Variants in PDIA3 observed in about 807,000 individuals in gnomAD.
PDIA3 encodes the protein protein disulfide isomerase family A member 3.
In PDIA3, 16 loss-of-function variants were observed where a neutral mutation model predicts 56.9. The observed-to-expected ratio is 0.28, with a 90% confidence interval of 0.19 to 0.43. PDIA3 has a LOEUF of 0.43. PDIA3 is among the 20% of genes least tolerant of loss of function. PDIA3 has a pLI of 1.00. For missense variants in PDIA3, 485 were observed against 621.3 expected (o/e 0.78, Z 2.33); for synonymous variants, 192 against 216.5 (o/e 0.89, Z 0.99).
intron 1 of PDIA3, among the ~76,000 whole-genome samples, chr15:43,749,085 T>G (rs2086726864): frequency 6.7e-6 from 1 of 149,398 alleles, no homozygotes; most frequent in Admixed American, 6.6e-5. Context: ...TTTTTGTTTT[T>G]GTTTTGTTTT....
chr15:43,749,046 C>A (rs2086726389), intron 1 of PDIA3, among the ~76,000 whole-genome samples: 1 of 152,044 alleles, frequency 6.6e-6, no homozygotes, highest in Non-Finnish European at 1.5e-5. Context: ...GCTGGGATTA[C>A]TGGCATGAGC....
At chr15:43,769,024 CAA>C (rs539611070) in intron 9 of PDIA3, among the ~76,000 whole-genome samples, 5 of 130,884 alleles carry the variant, frequency 3.8e-5, no homozygotes, top group Admixed American at 7.8e-5. Context: ...AACTCCATCT[CAA>C]AAAAAAAAAA....
rs575534183 is a variant in PDIA3, at chr15:43,756,686, A to G, written c.284A>G (p.Tyr95Cys). The change falls in exon 3 of 13, where the codon TAT becomes TGT. Residue 95 changes from tyrosine to cysteine, a missense_variant. Tyr to Cys is a radical substitution (Grantham distance 194). Transcript: ENST00000300289. The stretch of plus-strand genomic sequence containing the variant: ...GCCAACACTAACACCTGTAATAAAT[A>G]TGGAGTCAGTGGATATCCAACCCTG... ...CTANTNTCNK[Y>C]GVSGYPTLKI... The G allele has an allele frequency of 1.2e-6, 2 of 1,608,610 alleles. No individual in the cohort carries two copies. Among genetic ancestry groups the G allele is most frequent in the South Asian group, 1.1e-5 (1 of 90,916 alleles).
Position 43,770,309 on chromosome 15 carries a change from T to A in PDIA3, c.1326T>A (p.Pro442=). The A allele has an allele frequency of 6.2e-7, 1 of 1,614,032 alleles. No individual in the cohort carries two copies. The highest frequency in any genetic ancestry group is 8.5e-7 in the Non-Finnish European group (1 of 1,179,864). ...TGGATGCCACAGCCAATGATGTGCCTTCTCCATATGAAGTCAGAGGGTAAG... is the reference window on the plus strand; with the variant it reads ...TGGATGCCACAGCCAATGATGTGCCATCTCCATATGAAGTCAGAGGGTAAG... ...AKMDATANDV[P]SPYEVRGFPT... is the part of the protein sequence containing the mutation. The change falls in exon 11 of 13, where the codon CCT becomes CCA. Residue 442 remains proline, a synonymous_variant. Transcript: ENST00000300289.
At chr15:43,754,660 C>T (rs551760833) in intron 2 of PDIA3, among the ~76,000 whole-genome samples, 81 of 150,872 alleles carry the variant, frequency 5.4e-4, no homozygotes, top group Non-Finnish European at 1.1e-3. Flanking sequence ...AGTGACTAGA[C>T]ACTGCACACT....
intron 2 of PDIA3, among the ~76,000 whole-genome samples, chr15:43,754,581 G>C (rs1383175206): frequency 6.6e-6 from 1 of 151,314 alleles, no homozygotes; most frequent in African/African-American, 2.4e-5. Context: ...TAAAAAGCTG[G>C]GTGTGTTGGC....
intron 3 of PDIA3, among the ~76,000 whole-genome samples, chr15:43,758,062 A>C (rs921821885): frequency 6.6e-6 from 1 of 151,362 alleles, no homozygotes; most frequent in Non-Finnish European, 1.5e-5. Flanking sequence ...AACATGGGGA[A>C]ACCCTGTCAC....
chr15:43,771,471 T>C lies in PDIA3; in HGVS notation c.*253T>C. On this transcript the variant is annotated 3_prime_UTR_variant, in exon 13 of 13. Coordinates refer to ENST00000300289, the MANE Select transcript of PDIA3 (RefSeq NM_005313.5). Reference sequence around the variant, plus strand: ...TGGGGGAAATGTTGTGGGGGTGGGGTTGAGTTGGGGGTATTTTCTAATTTT... The same window carrying C: ...TGGGGGAAATGTTGTGGGGGTGGGGCTGAGTTGGGGGTATTTTCTAATTTT... 2 of 458,244 alleles carry C rather than the reference T, an allele frequency of 4.4e-6. No individual in the cohort carries two copies. Among genetic ancestry groups the C allele is most frequent in the Non-Finnish European group, 7.7e-6 (2 of 261,424 alleles). The allele number at this position is 458,244 out of a possible 1,614,324, so 28.4% of individuals were successfully genotyped here. A position where few individuals can be genotyped will look rare whatever the true frequency, so the allele number is the denominator to read the frequency against.
intron 12 of PDIA3, 73 bp from the exon 13 acceptor site, chr15:43,771,032 T>G: frequency 1.1e-6 from 1 of 907,698 alleles, no homozygotes; most frequent in Non-Finnish European, 1.8e-6. Flanking sequence ...AACTCAGAAG[T>G]CTTCCTGTTT....
intron 5 of PDIA3, 46 bp from the exon 6 acceptor site, chr15:43,765,400 ACAGT>A: frequency 1.0e-6 from 1 of 996,048 alleles, no homozygotes; most frequent in Admixed American, 2.0e-5. Context: ...AAGATGGGAG[ACAGT>A]TCTTCTGCTA....
intron 5 of PDIA3, among the ~76,000 whole-genome samples, chr15:43,764,280 A>G (rs1207135283): frequency 6.6e-6 from 1 of 152,196 alleles, no homozygotes; most frequent in African/African-American, 2.4e-5. Context: ...GGAGTGGTGC[A>G]AGGCATTCTA....
intron 6 of PDIA3, 73 bp downstream of exon 6, chr15:43,765,639 G>A (rs1330532466): frequency 6.8e-6 from 7 of 1,036,268 alleles, no homozygotes; most frequent in Admixed American, 3.9e-5. Flanking sequence ...TTATTAAGCC[G>A]AGCTATATTT....
intron 3 of PDIA3, among the ~76,000 whole-genome samples, chr15:43,760,619 C>T (rs540623940): frequency 1.3e-5 from 2 of 151,118 alleles, no homozygotes; most frequent in African/African-American, 2.4e-5. Context: ...AGCTCCGCCT[C>T]CCGGGTTCAC....
At chr15:43,749,275 T>G (rs1596017293) in intron 1 of PDIA3, among the ~76,000 whole-genome samples, 1 of 151,842 alleles carries the variant, frequency 6.6e-6, no homozygotes, top group East Asian at 2.0e-4. Context: ...TGTATTTTAG[T>G]AGAGACGGGG....
At chr15:43,769,817 A>G (rs1210512027) in intron 10 of PDIA3, among the ~76,000 whole-genome samples, 171 bp downstream of exon 10, 1 of 152,174 alleles carries the variant, frequency 6.6e-6, no homozygotes, top group Admixed American at 6.6e-5. Flanking sequence ...CAGCCTGTGC[A>G]GTGCCTGAGA....
intron 3 of PDIA3, among the ~76,000 whole-genome samples, chr15:43,757,982 C>T (rs955370988): frequency 4.6e-5 from 7 of 151,230 alleles, no homozygotes; most frequent in Admixed American, 2.0e-4. Context: ...CGGTGGCTCA[C>T]GCCTGTAATC....
rs771193760 is a variant in PDIA3, at chr15:43,770,328, G to A, written c.1345G>A (p.Gly449Ser). The part of the protein sequence containing the change: ...NDVPSPYEVR[G>S]FPTIYFSPAN... Reference sequence around the variant, plus strand: ...TGTGCCTTCTCCATATGAAGTCAGAGGGTAAGTGGCTTAAAACTTAACAAA... The same window carrying A: ...TGTGCCTTCTCCATATGAAGTCAGAAGGTAAGTGGCTTAAAACTTAACAAA... The change falls in exon 11 of 13, where the codon GGT becomes AGT. Residue 449 changes from glycine to serine, a missense_variant and splice_region_variant. Gly to Ser is a moderately conservative substitution (Grantham distance 56, BLOSUM62 0). Coordinates refer to ENST00000300289, the MANE Select transcript of PDIA3 (RefSeq NM_005313.5). 3.7e-6 allele frequency: 6 copies of A among 1,613,000 alleles called. No individual in the cohort carries two copies. The highest frequency in any genetic ancestry group is 5.1e-6 in the Non-Finnish European group (6 of 1,178,976).
intron 3 of PDIA3, among the ~76,000 whole-genome samples, chr15:43,758,760 G>C (rs1212578188): frequency 6.6e-6 from 1 of 152,076 alleles, no homozygotes; most frequent in Non-Finnish European, 1.5e-5. Context: ...CTGATCACTT[G>C]AGGTCAGGAG....
chr15:43,758,617 C>T (rs2086794820), intron 3 of PDIA3, among the ~76,000 whole-genome samples: 1 of 147,634 alleles, frequency 6.8e-6, no homozygotes, highest in Admixed American at 6.9e-5. Flanking sequence ...GAGATCGGGC[C>T]ACTGCACTCC....
Sources: allele counts gnomAD v4.1 joint callset (sites outside exome capture counted in the v4.1 genomes callset), GRCh38; gene constraint gnomAD v4.1.1; transcripts MANE v1.5; gene names NCBI Gene and HGNC (gene_info 2026-07-23, HGNC 2026-07-21).